The following ARMH3 variants were observed in gnomAD, a reference collection of about 807,000 sequenced individuals.
ARMH3 encodes armadillo-like helical domain-containing protein 3.
ARMH3 carries 60 observed loss-of-function variants against 99.1 expected under a neutral mutation model. The observed-to-expected ratio is 0.61, with a 90% CI of 0.49 to 0.75. The LOEUF is 0.75. Among genes scored for constraint, ARMH3 ranks in the 30% least tolerant of loss-of-function variants. The pLI, the probability that ARMH3 is intolerant of heterozygous loss-of-function variation, is 0.00. For missense variants in ARMH3, 679 were observed against 843.1 expected (o/e 0.81, Z 2.41); for synonymous variants, 285 against 292.8 (o/e 0.97, Z 0.27).
At position 102,018,411 on chromosome 10, in the gene ARMH3, C is replaced by T. The variant is rs373162764; in HGVS notation, c.670-4387G>A. ...TCAGAAGGAGTTTCTAGGCCAACAG[C>T]GATACTTACATAAGCAGATTGCATA... is the stretch of plus-strand genomic sequence containing the variant. On this transcript the variant is annotated intron_variant, in intron 8 of 25. Coordinates refer to ENST00000370033, the MANE Select transcript of ARMH3 (RefSeq NM_024541.3). 7.2e-5 allele frequency among the ~76,000 whole-genome samples: 11 copies of T among 152,208 alleles called. No individual in the cohort carries two copies. In the East Asian group the frequency reaches 9.6e-4, roughly 13 times the overall value.
intron 14 of ARMH3, among the ~76,000 whole-genome samples, chr10:102,004,822 C>T (rs1403745014): frequency 6.6e-6 from 1 of 152,032 alleles, no homozygotes; most frequent in African/African-American, 2.4e-5. Flanking sequence ...GTAATCCCAG[C>T]ACTTTGGGAG....
chr10:101,931,424 C>G (rs1178115311), intron 23 of ARMH3, among the ~76,000 whole-genome samples: 1 of 152,002 alleles, frequency 6.6e-6, no homozygotes, highest in Non-Finnish European at 1.5e-5. Flanking sequence ...ACTCGGGAGG[C>G]TGAGGCAGGA....
intron 5 of ARMH3, among the ~76,000 whole-genome samples, chr10:102,027,813 CT>C (rs34319209): frequency 6.6e-5 from 10 of 151,484 alleles, no homozygotes; most frequent in Non-Finnish European, 1.0e-4. Flanking sequence ...ATATTAATAA[CT>C]TTTTTTGTAA....
intron 20 of ARMH3, among the ~76,000 whole-genome samples, chr10:101,970,030 G>A (rs1845700341): frequency 6.6e-6 from 1 of 152,096 alleles, no homozygotes; most frequent in African/African-American, 2.4e-5. Flanking sequence ...GTTTTCAGAC[G>A]ATGGAAAGTC....
chr10:101,989,304 G>T (rs993487005), intron 19 of ARMH3, among the ~76,000 whole-genome samples: 19 of 152,150 alleles, frequency 1.2e-4, no homozygotes, highest in Non-Finnish European at 2.1e-4. Context: ...GGAGGCTGAG[G>T]TGGGAGGACT....
At chr10:101,915,402 AG>A (rs1843037674) in intron 23 of ARMH3, among the ~76,000 whole-genome samples, 1 of 152,222 alleles carries the variant, frequency 6.6e-6, no homozygotes, top group South Asian at 2.1e-4. Flanking sequence ...GTCAGCAGTG[AG>A]CACACTAAGT....
At chr10:101,852,159 C>A (rs1016433281) in intron 24 of ARMH3, among the ~76,000 whole-genome samples, 1 of 152,186 alleles carries the variant, frequency 6.6e-6, no homozygotes, top group Non-Finnish European at 1.5e-5. Context: ...CTTTCCTGAG[C>A]GGTGTCAAGT....
At position 101,999,803 on chromosome 10, in the gene ARMH3, G is replaced by A. The variant is rs533776860; in HGVS notation, c.1150+2168C>T. On this transcript the variant is annotated intron_variant, in intron 15 of 25. Coordinates refer to ENST00000370033, the MANE Select transcript of ARMH3 (RefSeq NM_024541.3). ...AACTTCATTTAAAATGATTCAGCCAGGCCGGGCGTGGTGGCCCATACCTGT... is the reference window on the plus strand; with the variant it reads ...AACTTCATTTAAAATGATTCAGCCAAGCCGGGCGTGGTGGCCCATACCTGT... 4.6e-5 allele frequency among the ~76,000 whole-genome samples: 7 copies of A among 152,264 alleles called. No individual in the cohort carries two copies. The South Asian group carries it at 1.2e-3, about 27-fold the overall frequency.
At chr10:101,951,849 C>A (rs1295860588) in intron 22 of ARMH3, among the ~76,000 whole-genome samples, 7 of 134,268 alleles carry the variant, frequency 5.2e-5, no homozygotes, top group Non-Finnish European at 9.2e-5. Flanking sequence ...GTGTGGGCCA[C>A]AGAGCGAGAC....
At position 101,894,870 on chromosome 10, in the gene ARMH3, C is replaced by CAA. The variant is rs140398612; in HGVS notation, c.1782-5382_1782-5381dup. Among the ~76,000 whole-genome samples the CAA allele has an allele frequency of 9.0e-3, 777 of 86,326 alleles. 10 individuals are homozygous for CAA. The highest frequency in any genetic ancestry group is 0.024 in the African/African-American group (577 of 23,626). The allele number at this position is 86,326 out of a possible 152,430, so 56.6% of individuals were successfully genotyped here. On this transcript the variant is annotated intron_variant, in intron 23 of 25. Transcript: ENST00000370033. Reference sequence around the variant, plus strand: ...CCTGGGCAAAAGAGCGAAACTCTGCCAAAAAAAAAAAAAAAAAAGGCACCA... The same window carrying CAA: ...CCTGGGCAAAAGAGCGAAACTCTGCCAAAAAAAAAAAAAAAAAAAAGGCACCA...
At chr10:101,879,922 A>G (rs1280021130) in intron 24 of ARMH3, among the ~76,000 whole-genome samples, 1 of 152,162 alleles carries the variant, frequency 6.6e-6, no homozygotes, top group East Asian at 1.9e-4. Context: ...AGCAGCTTGT[A>G]AAACCCCACC....
intron 23 of ARMH3, among the ~76,000 whole-genome samples, chr10:101,919,254 T>G (rs922445982): frequency 1.3e-5 from 2 of 152,124 alleles, no homozygotes; most frequent in African/African-American, 2.4e-5. Flanking sequence ...CTTTTTGTCT[T>G]AAACAATGAC....
chr10:102,025,386 C>T (rs577435032), intron 5 of ARMH3, 138 bp from the exon 6 acceptor site: 2 of 620,828 alleles, frequency 3.2e-6, no homozygotes, highest in African/African-American at 1.8e-5. Flanking sequence ...CCAGAACTTA[C>T]AAGATTAAAT....
At chr10:101,865,372 GCACA>G (rs2066977835) in intron 24 of ARMH3, among the ~76,000 whole-genome samples, 1 of 152,040 alleles carries the variant, frequency 6.6e-6, no homozygotes, top group South Asian at 2.1e-4. Flanking sequence ...CAAAACTCAT[GCACA>G]CAAACACCAC....
At chr10:101,900,819 C>CA (rs925069944) in intron 23 of ARMH3, among the ~76,000 whole-genome samples, 8 of 152,130 alleles carry the variant, frequency 5.3e-5, no homozygotes, top group Admixed American at 2.0e-4. Context: ...CCCATATCTA[C>CA]AAAAAATTTT....
intron 24 of ARMH3, among the ~76,000 whole-genome samples, chr10:101,879,210 CT>C (rs943170184): frequency 6.6e-6 from 1 of 152,200 alleles, no homozygotes; most frequent in Non-Finnish European, 1.5e-5. Flanking sequence ...ACTGAAAAAG[CT>C]CAGGCTTTGT....
intron 23 of ARMH3, among the ~76,000 whole-genome samples, chr10:101,930,885 T>C (rs1235074516): frequency 1.3e-5 from 2 of 152,234 alleles, no homozygotes; most frequent in Non-Finnish European, 2.9e-5. Flanking sequence ...GGCACTATTC[T>C]ACATGCTTTA....
At chr10:101,885,270 C>T (rs1275337895) in intron 24 of ARMH3, among the ~76,000 whole-genome samples, 1 of 152,158 alleles carries the variant, frequency 6.6e-6, no homozygotes, top group Non-Finnish European at 1.5e-5. Context: ...TCCAGCAATT[C>T]CACTTCTGAG....
chr10:102,045,129 CAA>C (rs574856341), intron 1 of ARMH3, among the ~76,000 whole-genome samples: 19 of 80,730 alleles, frequency 2.4e-4, no homozygotes, highest in Admixed American at 3.0e-4. Context: ...GCCCTTGTCT[CAA>C]AAAAAAAAAA....
Sources: allele counts gnomAD v4.1 joint callset (sites outside exome capture counted in the v4.1 genomes callset), GRCh38; gene constraint gnomAD v4.1.1; transcripts MANE v1.5; gene names NCBI Gene and HGNC (gene_info 2026-07-23, HGNC 2026-07-21).